The following MLLT3 variants were observed in gnomAD, a reference collection of about 807,000 sequenced individuals.
MLLT3 encodes the protein protein AF-9.
MLLT3 carries 4 observed loss-of-function variants against 53.2 expected under a neutral mutation model. That is an observed-to-expected ratio of 0.08 (90% CI 0.04 to 0.17). MLLT3 has a LOEUF of 0.17. Ranked by LOEUF, MLLT3 falls within the 10% of genes least tolerant of loss-of-function variation. The pLI is 1.00. For synonymous variants in MLLT3, 283 were observed against 230.6 expected (o/e 1.23, Z -2.06); for missense variants, 569 against 684.0 (o/e 0.83, Z 1.87).
In MLLT3 at chr9:20,342,102, T is replaced by C. The variant is rs1451496844; in HGVS notation, c.*4341A>G. 4 of 213,800 alleles carry C rather than the reference T, an allele frequency of 1.9e-5. No individual in the cohort carries two copies. Among genetic ancestry groups the C allele is most frequent in the African/African-American group, 9.1e-5 (4 of 44,194 alleles). The allele number at this position is 213,800 out of a possible 1,614,324, so 13.2% of individuals were successfully genotyped here. ...TCTTCTTTAGAAACAGCATCACTTC[T>C]TGAGAAAAGGCTAGGGGCTAATTTT... On this transcript the variant is annotated 3_prime_UTR_variant, in exon 11 of 11. Transcript: ENST00000380338.
At chr9:20,618,870 T>C (rs982967987) in intron 2 of MLLT3, among the ~76,000 whole-genome samples, 2 of 152,220 alleles carry the variant, frequency 1.3e-5, no homozygotes, top group African/African-American at 4.8e-5. Context: ...AATTTGTTGA[T>C]TGTCAAGGTG....
At chr9:20,555,596 C>T (rs1819038067) in intron 2 of MLLT3, among the ~76,000 whole-genome samples, 1 of 152,186 alleles carries the variant, frequency 6.6e-6, no homozygotes, top group Admixed American at 6.5e-5. Flanking sequence ...ACTATCTCTC[C>T]ATCTTCAACT....
At chr9:20,433,632 T>C (rs1823332096) in intron 4 of MLLT3, among the ~76,000 whole-genome samples, 1 of 152,046 alleles carries the variant, frequency 6.6e-6, no homozygotes, top group Non-Finnish European at 1.5e-5. Context: ...ATGCATAACA[T>C]GAATCTAGTT....
At position 20,621,043 on chromosome 9, in the gene MLLT3, G is replaced by A. The variant is rs1820989538; in HGVS notation, c.13-209C>T. The stretch of plus-strand genomic sequence containing the variant: ...CGCCCGGCCCGGCTTGGCCCCAGGC[G>A]CCCCGGGCCCCGCATCTACATCGGA... On this transcript the variant is annotated intron_variant, in intron 1 of 10. Transcript: ENST00000380338. The surrounding 1 kb of genome is among the most constrained non-coding windows in gnomAD (Gnocchi z 7.0). The A allele has an allele frequency of 5.8e-6, 4 of 692,958 alleles. No individual in the cohort carries two copies. The highest frequency in any genetic ancestry group is 1.0e-5 in the Non-Finnish European group (4 of 384,060). 42.9% of individuals were successfully genotyped at this position (692,958 alleles called of 1,614,324 possible). A position where few individuals can be genotyped will look rare whatever the true frequency, so the allele number is the denominator to read the frequency against.
At chr9:20,356,580 G>A (rs1488735956) in intron 8 of MLLT3, among the ~76,000 whole-genome samples, 2 of 152,044 alleles carry the variant, frequency 1.3e-5, no homozygotes, top group Admixed American at 6.5e-5. Flanking sequence ...AAAAAAAAGT[G>A]CCTGCCTGCT....
chr9:20,495,349 C>G (rs1289605037), intron 2 of MLLT3, among the ~76,000 whole-genome samples: 1 of 152,172 alleles, frequency 6.6e-6, no homozygotes, highest in Admixed American at 6.5e-5. Context: ...TTGCATTTAA[C>G]AAGATGCCCA....
rs907471416 is a variant in MLLT3 at position 20,561,188 on chromosome 9, T to G, written c.193+59466A>C. Among the ~76,000 whole-genome samples the G allele has an allele frequency of 2.6e-5, 4 of 152,298 alleles. No homozygotes were observed. In the East Asian group the frequency reaches 7.7e-4, roughly 29 times the overall value. On this transcript the variant is annotated intron_variant, in intron 2 of 10. Transcript: ENST00000380338. ...GCATTTTATTTCTCTAGTTAACATG[T>G]ATCTACTTTAGATCAATGGAGCACT...
At chr9:20,425,942 A>G (rs1823129365) in intron 4 of MLLT3, among the ~76,000 whole-genome samples, 2 of 152,038 alleles carry the variant, frequency 1.3e-5, no homozygotes, top group South Asian at 4.1e-4. Context: ...AGTGTAAAGT[A>G]CTGATTGGCA....
chr9:20,502,541 C>G (rs1563790119), intron 2 of MLLT3, among the ~76,000 whole-genome samples: 1 of 152,132 alleles, frequency 6.6e-6, no homozygotes, highest in Non-Finnish European at 1.5e-5. Context: ...AAAATTACAT[C>G]TGTACTGAAC....
chr9:20,483,370 T>C (rs1269915892), intron 2 of MLLT3, among the ~76,000 whole-genome samples: 1 of 151,758 alleles, frequency 6.6e-6, no homozygotes, highest in African/African-American at 2.4e-5. Flanking sequence ...CGCAAGTAGC[T>C]GGGACTACAG....
chr9:20,516,089 A>T (rs767619173), intron 2 of MLLT3, among the ~76,000 whole-genome samples: 4 of 152,154 alleles, frequency 2.6e-5, no homozygotes, highest in South Asian at 2.1e-4. Flanking sequence ...TAAACCCCAG[A>T]CCCAGCTCCA....
At chr9:20,504,599 T>C (rs371041304) in intron 2 of MLLT3, among the ~76,000 whole-genome samples, 84 of 151,548 alleles carry the variant, frequency 5.5e-4, no homozygotes, top group African/African-American at 2.0e-3. Context: ...AGGTGGAGAG[T>C]TGGGGAGATG....
chr9:20,604,246 A>G (rs1231780938), intron 2 of MLLT3, among the ~76,000 whole-genome samples: 1 of 152,094 alleles, frequency 6.6e-6, no homozygotes, highest in African/African-American at 2.4e-5. Flanking sequence ...AGTACATGGT[A>G]TTATTCTAAC....
intron 7 of MLLT3, among the ~76,000 whole-genome samples, 161 bp from the exon 8 acceptor site, chr9:20,361,002 G>C (rs552851175): frequency 9.5e-4 from 145 of 152,308 alleles, no homozygotes; most frequent in Non-Finnish European, 1.6e-3. Flanking sequence ...TTTGTAACTG[G>C]AACTGTGTTA....
chr9:20,541,342 C>T (rs563345772), intron 2 of MLLT3, among the ~76,000 whole-genome samples: 3 of 152,320 alleles, frequency 2.0e-5, no homozygotes, highest in East Asian at 3.9e-4. Context: ...CAGTGCCACA[C>T]TACCAGTACC....
At chr9:20,422,570 C>T (rs1823037628) in intron 4 of MLLT3, among the ~76,000 whole-genome samples, 1 of 152,174 alleles carries the variant, frequency 6.6e-6, no homozygotes, top group African/African-American at 2.4e-5. Context: ...CAAGAACCAA[C>T]ACATAACATG....
At chr9:20,390,641 A>G (rs140839332) in intron 5 of MLLT3, among the ~76,000 whole-genome samples, 1 of 152,366 alleles carries the variant, frequency 6.6e-6, no homozygotes, top group African/African-American at 2.4e-5. Context: ...ACATATACCA[A>G]GAACTCTGGC....
intron 4 of MLLT3, among the ~76,000 whole-genome samples, chr9:20,438,646 G>C: frequency 6.6e-6 from 1 of 151,964 alleles, no homozygotes; most frequent in Non-Finnish European, 1.5e-5. Context: ...TGTGGCCCAG[G>C]TTGGTCTCAA....
intron 3 of MLLT3, among the ~76,000 whole-genome samples, chr9:20,453,365 A>G (rs1586960005): frequency 6.6e-6 from 1 of 152,136 alleles, no homozygotes; most frequent in East Asian, 1.9e-4. Flanking sequence ...GCTCGAAATC[A>G]TCCTGGGCAA....
Sources: allele counts gnomAD v4.1 joint callset (sites outside exome capture counted in the v4.1 genomes callset), GRCh38; gene constraint gnomAD v4.1.1; non-coding constraint Gnocchi (gnomAD v3.1); transcripts MANE v1.5; gene names NCBI Gene and HGNC (gene_info 2026-07-23, HGNC 2026-07-21).